The following ROBO2 variants were observed in gnomAD, a reference collection of about 807,000 sequenced individuals.
ROBO2 encodes roundabout guidance receptor 2.
ROBO2 carries 53 observed loss-of-function variants against 160.8 expected under a neutral mutation model. That is an observed-to-expected ratio of 0.33 (90% CI 0.26 to 0.41). The LOEUF (loss-of-function observed/expected upper bound fraction) is 0.41, where lower values mean the gene tolerates loss of function less well. Ranked by LOEUF, ROBO2 falls within the 10% of genes least tolerant of loss-of-function variation. The pLI, the probability that ROBO2 is intolerant of heterozygous loss-of-function variation, is 1.00. For missense variants in ROBO2, 1,577 were observed against 1,722.4 expected, an observed-to-expected ratio of 0.92 and a Z score of 1.49; for synonymous variants, 664 against 611.7, an observed-to-expected ratio of 1.09 and a Z score of -1.26.
intron 2 of ROBO2, among the ~76,000 whole-genome samples, chr3:76,723,065 C>T (rs1371319148): frequency 6.6e-6 from 1 of 151,930 alleles, no homozygotes; most frequent in Non-Finnish European, 1.5e-5. Context: ...AATATGATTA[C>T]TTTTAAAGGT....
chr3:77,104,408 T>A (rs2150126563), intron 2 of ROBO2, among the ~76,000 whole-genome samples: 1 of 152,316 alleles, frequency 6.6e-6, no homozygotes, highest in South Asian at 2.1e-4. Flanking sequence ...ACTTTATTCT[T>A]CATTATTGCT....
At chr3:76,949,111 AT>A (rs1316014725) in intron 2 of ROBO2, among the ~76,000 whole-genome samples, 2 of 150,850 alleles carry the variant, frequency 1.3e-5, no homozygotes, top group Non-Finnish European at 2.9e-5. Flanking sequence ...TCCCTACTTA[AT>A]TTTTTTCCTT....
In ROBO2 at chr3:76,341,895, CAT is replaced by C. The variant is rs1218846419; in HGVS notation, c.109+404296_109+404297del. On this transcript the variant is annotated intron_variant, in intron 2 of 26. Coordinates refer to the ROBO2 transcript ENST00000487694. ...CTTTCACTATGGTGGAGACTTCTAG[CAT>C]ATGTTTCCTCTTTTTCCAATTATCC... is the stretch of plus-strand genomic sequence containing the variant. Among the ~76,000 whole-genome samples, 11 of 152,126 alleles carry C rather than the reference CAT, an allele frequency of 7.2e-5. No individual in the cohort carries two copies. In the East Asian group the frequency reaches 2.1e-3, roughly 29 times the overall value.
At chr3:77,588,489 G>A (rs1290369841) in intron 16 of ROBO2, among the ~76,000 whole-genome samples, 2 of 90,602 alleles carry the variant, frequency 2.2e-5, no homozygotes, top group Non-Finnish European at 4.5e-5. Context: ...AATTTATAAG[G>A]TGATAAATCA....
intron 2 of ROBO2, among the ~76,000 whole-genome samples, chr3:77,247,649 T>A (rs2089882313): frequency 6.6e-6 from 1 of 152,210 alleles, no homozygotes. Flanking sequence ...AGAATCCTCT[T>A]CCTTGACGGA....
At chr3:77,042,452 C>T (rs1012721484) in intron 1 of ROBO2, among the ~76,000 whole-genome samples, 2 of 152,118 alleles carry the variant, frequency 1.3e-5, no homozygotes, top group African/African-American at 4.8e-5. Context: ...GTAAACTATA[C>T]ATTAGACTAC....
At chr3:77,648,436 C>T (rs1054295517) in exon 26 of ROBO2, 7 of 152,206 alleles carry the variant, frequency 4.6e-5, no homozygotes, top group African/African-American at 1.7e-4. Flanking sequence ...GTGGGCATAG[C>T]ATCATACCTT....
chr3:76,305,771 T>C (rs1160932432), intron 2 of ROBO2, among the ~76,000 whole-genome samples: 1 of 151,100 alleles, frequency 6.6e-6, no homozygotes, highest in East Asian at 2.0e-4. Flanking sequence ...AAAAAAAAAT[T>C]GTCCACTTCT....
intron 2 of ROBO2, among the ~76,000 whole-genome samples, chr3:77,328,488 G>A (rs2065661164): frequency 6.6e-6 from 1 of 152,126 alleles, no homozygotes; most frequent in African/African-American, 2.4e-5. Context: ...TTCTAATCTA[G>A]CTTTTATATA....
At chr3:77,281,998 G>A (rs148075056) in intron 2 of ROBO2, among the ~76,000 whole-genome samples, 97 of 152,194 alleles carry the variant, frequency 6.4e-4, no homozygotes, top group African/African-American at 2.0e-3. Flanking sequence ...CCCTGGCCCC[G>A]GGGCTGTGGA....
chr3:77,082,717 TATAC>T lies in ROBO2; in HGVS notation c.62-15295_62-15292del, dbSNP rs902967706. ...CATAGTAACATTCTATATATATATA[TATAC>T]ACACACAATAGTGTATTGTATGTAC... On this transcript the variant is annotated intron_variant, in intron 1 of 25. Coordinates refer to ENST00000461745, the Ensembl canonical transcript of ROBO2. Among the ~76,000 whole-genome samples, 184 of 151,822 alleles carry T rather than the reference TATAC, an allele frequency of 1.2e-3. 2 individuals are homozygous for T. Among genetic ancestry groups the T allele is most frequent in the African/African-American group, 4.4e-3 (180 of 41,346 alleles).
At chr3:77,186,855 G>A (rs2081329731) in intron 2 of ROBO2, among the ~76,000 whole-genome samples, 3 of 151,790 alleles carry the variant, frequency 2.0e-5, no homozygotes, top group Admixed American at 1.3e-4. Flanking sequence ...CTTTGATTAG[G>A]CAATATTATT....
rs535664711 is a variant in ROBO2, at chr3:76,456,407, C to T, written c.109+518805C>T. ...ATGTTATTGAATTATAACCACTGTT[C>T]TAAAGCTCAGGTTTCTCAAACTGAC... On this transcript the variant is annotated intron_variant, in intron 2 of 26. Transcript: ENST00000487694. Among the ~76,000 whole-genome samples the T allele has an allele frequency of 7.9e-5, 12 of 152,268 alleles. No homozygotes were observed. In the South Asian group the frequency reaches 2.5e-3, roughly 32 times the overall value.
chr3:77,302,298 G>T (rs73106071), intron 2 of ROBO2, among the ~76,000 whole-genome samples: 21,332 of 151,966 alleles, frequency 0.14, 1,653 homozygotes, highest in Admixed American at 0.23. Context: ...ATCTCATAGG[G>T]TGGTTGTAAA....
intron 1 of ROBO2, among the ~76,000 whole-genome samples, chr3:75,923,840 G>T (rs190308060): frequency 6.6e-6 from 1 of 152,232 alleles, no homozygotes; most frequent in South Asian, 2.1e-4. Flanking sequence ...GAGGTGTAAT[G>T]TGCAGAAATC....
chr3:77,364,150 C>T (rs2070483636), intron 2 of ROBO2, among the ~76,000 whole-genome samples: 2 of 152,106 alleles, frequency 1.3e-5, no homozygotes, highest in Admixed American at 6.6e-5. Context: ...CTGGGTAGAT[C>T]TTAAATTATC....
intron 4 of ROBO2, among the ~76,000 whole-genome samples, chr3:77,486,354 A>G (rs2085353489): frequency 6.6e-6 from 1 of 152,168 alleles, no homozygotes; most frequent in Non-Finnish European, 1.5e-5. Flanking sequence ...GTCTTCCACA[A>G]CAGTTGAACT....
chr3:76,801,601 G>T (rs1026575415), intron 2 of ROBO2, among the ~76,000 whole-genome samples: 3 of 151,562 alleles, frequency 2.0e-5, no homozygotes, highest in Non-Finnish European at 2.9e-5. Context: ...AAAAAGAAAA[G>T]AATATCGCGG....
chr3:76,304,739 T>TCCTTCC (rs537479218), intron 2 of ROBO2, among the ~76,000 whole-genome samples: 2 of 83,210 alleles, frequency 2.4e-5, no homozygotes, highest in Non-Finnish European at 2.7e-5. Context: ...TTTCTTTTCT[T>TCCTTCC]TTCTTTCCTT....
Sources: allele counts gnomAD v4.1 joint callset (sites outside exome capture counted in the v4.1 genomes callset), GRCh38; gene constraint gnomAD v4.1.1; transcripts MANE v1.5; gene names NCBI Gene and HGNC (gene_info 2026-07-23, HGNC 2026-07-21).